Variants in SEMA6A observed in about 807,000 individuals in gnomAD.
SEMA6A encodes semaphorin-6A.
SEMA6A carries 25 observed loss-of-function variants against 96.8 expected under a neutral mutation model. The observed-to-expected ratio is 0.26, with a 90% CI of 0.19 to 0.36. SEMA6A has a LOEUF of 0.36. Ranked by LOEUF, SEMA6A falls within the 10% of genes least tolerant of loss-of-function variation. The pLI, the probability that SEMA6A is intolerant of heterozygous loss-of-function variation, is 1.00. For missense variants in SEMA6A, 1,363 were observed against 1,323.1 expected (o/e 1.03, Z -0.47); for synonymous variants, 612 against 518.0 (o/e 1.18, Z -2.46).
At chr5:116,535,422 G>C (rs1397577981) in intron 1 of SEMA6A, among the ~76,000 whole-genome samples, 1 of 152,310 alleles carries the variant, frequency 6.6e-6, no homozygotes, top group Admixed American at 6.5e-5. Flanking sequence ...AAAATGCATG[G>C]TGGCATGAGG....
At chr5:116,458,313 T>A (rs1755146218) in intron 18 of SEMA6A, among the ~76,000 whole-genome samples, 1 of 152,182 alleles carries the variant, frequency 6.6e-6, no homozygotes, top group Non-Finnish European at 1.5e-5. Flanking sequence ...AAGATCACAC[T>A]TAACCTAGTC....
chr5:116,475,338 AG>A (rs1756392363), intron 16 of SEMA6A, among the ~76,000 whole-genome samples: 1 of 152,222 alleles, frequency 6.6e-6, no homozygotes, highest in East Asian at 1.9e-4. Flanking sequence ...TTAATGAAAT[AG>A]GTGCCAGCAT....
At chr5:116,551,947 T>A (rs796562112) in intron 1 of SEMA6A, among the ~76,000 whole-genome samples, 5 of 152,214 alleles carry the variant, frequency 3.3e-5, no homozygotes, top group Non-Finnish European at 7.3e-5. Context: ...TGCCAGATGT[T>A]TGTCACAAGG....
chr5:116,488,858 C>A, intron 8 of SEMA6A, 30 bp downstream of exon 8: 2 of 1,541,064 alleles, frequency 1.3e-6, no homozygotes, highest in Non-Finnish European at 1.8e-6. Context: ...CCCTCCCCTC[C>A]GACCCTCCTT....
At chr5:116,531,011 G>A (rs1759444982) in intron 1 of SEMA6A, among the ~76,000 whole-genome samples, 1 of 152,124 alleles carries the variant, frequency 6.6e-6, no homozygotes, top group Non-Finnish European at 1.5e-5. Flanking sequence ...CTGCTAACTA[G>A]TAAGTTGGGG....
intron 1 of SEMA6A, among the ~76,000 whole-genome samples, chr5:116,526,054 T>A (rs1759208818): frequency 6.6e-6 from 1 of 152,144 alleles, no homozygotes; most frequent in South Asian, 2.1e-4. Flanking sequence ...TTTAAGAATT[T>A]TTCACTCTTC....
In SEMA6A at chr5:116,550,243, A is replaced by G. The variant is rs554618576; in HGVS notation, c.-39+23942T>C. On this transcript the variant is annotated intron_variant, in intron 1 of 18. Transcript: ENST00000343348. ...GGTTTTTATTTTAAAAGCAAAATCA[A>G]CATATCTACTGAAGGTTAGTCACAA... is the stretch of plus-strand genomic sequence containing the variant. 4.6e-5 allele frequency: 7 copies of G among 152,318 alleles called. No homozygotes were observed. In the South Asian group the frequency reaches 1.2e-3, roughly 27 times the overall value. The allele number at this position is 152,318 out of a possible 1,614,324, so 9.4% of individuals were successfully genotyped here.
intron 18 of SEMA6A, among the ~76,000 whole-genome samples, chr5:116,454,789 A>AGTGTGTGTGTGT (rs10699953): frequency 3.3e-5 from 5 of 150,386 alleles, no homozygotes; most frequent in Non-Finnish European, 1.5e-5. Flanking sequence ...TTTTCCTTTA[A>AGTGTGTGTGTGT]GTGTGTGTGT....
intron 1 of SEMA6A, among the ~76,000 whole-genome samples, chr5:116,528,934 C>A (rs1759348686): frequency 6.6e-6 from 1 of 152,162 alleles, no homozygotes; most frequent in Non-Finnish European, 1.5e-5. Flanking sequence ...CTGTGAAACA[C>A]ATGAAAAAGA....
At chr5:116,454,373 A>G (rs1016046576) in intron 18 of SEMA6A, among the ~76,000 whole-genome samples, 2 of 152,178 alleles carry the variant, frequency 1.3e-5, no homozygotes, top group African/African-American at 4.8e-5. Flanking sequence ...TGAAATCCTC[A>G]TAACAACTTG....
chr5:116,551,942 G>C (rs1159083296), intron 1 of SEMA6A, among the ~76,000 whole-genome samples: 4 of 152,228 alleles, frequency 2.6e-5, no homozygotes, highest in East Asian at 1.9e-4. Context: ...ATATCTGCCA[G>C]ATGTTTGTCA....
At chr5:116,461,457 G>GT (rs201938851) in intron 18 of SEMA6A, among the ~76,000 whole-genome samples, 70 of 144,172 alleles carry the variant, frequency 4.9e-4, no homozygotes, top group East Asian at 2.0e-3. Flanking sequence ...ATTAGTATGA[G>GT]TTTTTTTTTT....
intron 1 of SEMA6A, among the ~76,000 whole-genome samples, chr5:116,560,664 G>A (rs1760788351): frequency 6.6e-6 from 1 of 151,708 alleles, no homozygotes; most frequent in Non-Finnish European, 1.5e-5. Flanking sequence ...CCTGCGCCAG[G>A]GTCAAAACTG....
intron 17 of SEMA6A, 49 bp downstream of exon 17, chr5:116,473,024 C>A: frequency 6.4e-7 from 1 of 1,563,390 alleles, no homozygotes; most frequent in Non-Finnish European, 8.7e-7. Context: ...TAGACATTCT[C>A]AGATAGGTTT....
At chr5:116,510,550 T>C (rs1758357405) in intron 1 of SEMA6A, among the ~76,000 whole-genome samples, 1 of 152,140 alleles carries the variant, frequency 6.6e-6, no homozygotes. Flanking sequence ...AGACTCTCCA[T>C]AGTCCTCAAT....
At chr5:116,522,471 A>C (rs1446283819) in intron 1 of SEMA6A, among the ~76,000 whole-genome samples, 1 of 152,188 alleles carries the variant, frequency 6.6e-6, no homozygotes, top group African/African-American at 2.4e-5. Context: ...TTGTGGTGTC[A>C]GTAGTGATAA....
chr5:116,494,438 T>G (rs1248598335), intron 6 of SEMA6A, among the ~76,000 whole-genome samples: 3 of 152,188 alleles, frequency 2.0e-5, no homozygotes, highest in Admixed American at 1.3e-4. Context: ...CCTGCCCTTG[T>G]AGAGCCTGTG....
At chr5:116,566,666 C>T (rs1761040361) in intron 1 of SEMA6A, among the ~76,000 whole-genome samples, 1 of 152,182 alleles carries the variant, frequency 6.6e-6, no homozygotes, top group Admixed American at 6.5e-5. Flanking sequence ...TCTGCTGTGC[C>T]TTTTAGAAGT....
chr5:116,485,742 C>T (rs913022252), intron 10 of SEMA6A, among the ~76,000 whole-genome samples: 1 of 152,150 alleles, frequency 6.6e-6, no homozygotes, highest in Non-Finnish European at 1.5e-5. Flanking sequence ...AACAGTATTA[C>T]TAGAGGAACA....
Sources: allele counts gnomAD v4.1 joint callset (sites outside exome capture counted in the v4.1 genomes callset), GRCh38; gene constraint gnomAD v4.1.1; transcripts MANE v1.5; gene names NCBI Gene and HGNC (gene_info 2026-07-23, HGNC 2026-07-21).